The following KHDRBS3 variants were observed in gnomAD, a reference collection of about 807,000 sequenced individuals.
KHDRBS3 encodes the protein KH RNA binding domain containing, signal transduction associated 3, also known as KH domain-containing, RNA-binding, signal transduction-associated protein 3.
A neutral mutation model predicts 45.6 loss-of-function variants in KHDRBS3; 23 were observed. The ratio of observed to expected loss-of-function variants is 0.50; its 90% CI spans 0.36 to 0.72. KHDRBS3 has a LOEUF of 0.72. Ranked by LOEUF, KHDRBS3 falls within the 30% of genes least tolerant of loss-of-function variation. The pLI, the probability that KHDRBS3 is intolerant of heterozygous loss-of-function variation, is 0.00. For missense variants in KHDRBS3, 352 were observed against 424.8 expected, an observed-to-expected ratio of 0.83 and a Z score of 1.51; for synonymous variants, 162 against 156.5, an observed-to-expected ratio of 1.04 and a Z score of -0.26.
In KHDRBS3 at chr8:135,647,014, C is replaced by T. The variant is rs761676780; in HGVS notation, c.971C>T (p.Ser324Leu). 2 of 1,604,218 alleles carry T rather than the reference C, an allele frequency of 1.2e-6. No homozygotes were observed. Among genetic ancestry groups the T allele is most frequent in the Non-Finnish European group, 1.7e-6 (2 of 1,171,108 alleles). Residue 324 changes from serine to leucine, a missense_variant, in exon 9 of 9, where the codon TCA becomes TTA. Ser to Leu is a moderately radical substitution (Grantham distance 145). This residue lies in a region of KHDRBS3 where 212 missense variants were observed against 209.6 expected (regional missense o/e 1.01). Coordinates refer to ENST00000355849, the MANE Select transcript of KHDRBS3 (RefSeq NM_006558.3). ...GTAGGGCAAGAAGAGTGGACTAACT[C>T]AAGACACAAGGCACCTTCAGCGAGG... The part of the protein sequence containing the change: ...DSYGQEEWTN[S>L]RHKAPSARTA...
intron 2 of KHDRBS3, among the ~76,000 whole-genome samples, chr8:135,524,726 A>G (rs1230240614): frequency 2.0e-5 from 3 of 149,750 alleles, no homozygotes; most frequent in East Asian, 3.9e-4. Flanking sequence ...TTCAGATTTT[A>G]TAACTTTTAC....
chr8:135,581,218 C>T (rs1475025353), intron 5 of KHDRBS3, among the ~76,000 whole-genome samples: 3 of 152,158 alleles, frequency 2.0e-5, no homozygotes, highest in Non-Finnish European at 4.4e-5. Context: ...TATGTTTTCT[C>T]AGGTTTTTGC....
At chr8:135,533,008 A>G (rs1489280783) in intron 2 of KHDRBS3, among the ~76,000 whole-genome samples, 1 of 152,042 alleles carries the variant, frequency 6.6e-6, no homozygotes, top group African/African-American at 2.4e-5. Flanking sequence ...GAATGTTTAG[A>G]TACAGTGCAA....
intron 2 of KHDRBS3, chr8:135,541,753 A>G (rs563924078): frequency 6.6e-6 from 1 of 152,328 alleles, no homozygotes; most frequent in South Asian, 2.1e-4. Context: ...TACCTTAATT[A>G]TAGCAAGGCT....
At chr8:135,470,544 C>T (rs1490218401) in intron 1 of KHDRBS3, among the ~76,000 whole-genome samples, 4 of 151,476 alleles carry the variant, frequency 2.6e-5, no homozygotes, top group Admixed American at 2.0e-4. Flanking sequence ...TTTTTCTCAT[C>T]CCTTTTTCCC....
intron 7 of KHDRBS3, among the ~76,000 whole-genome samples, chr8:135,642,348 C>T (rs1831096613): frequency 6.6e-6 from 1 of 152,152 alleles, no homozygotes; most frequent in Admixed American, 6.5e-5. Flanking sequence ...TCAGCTGCCT[C>T]GTCTATAAAA....
At chr8:135,582,778 CAA>C (rs1828279172) in intron 6 of KHDRBS3, among the ~76,000 whole-genome samples, 1 of 152,130 alleles carries the variant, frequency 6.6e-6, no homozygotes, top group South Asian at 2.1e-4. Context: ...GAAGCAGTAA[CAA>C]TGATAAAATG....
chr8:135,469,324 G>A (rs1036951370), intron 1 of KHDRBS3, among the ~76,000 whole-genome samples: 6 of 152,076 alleles, frequency 3.9e-5, no homozygotes, highest in Non-Finnish European at 7.4e-5. Flanking sequence ...TCGCTCTGTC[G>A]CCCAGGCTGG....
intron 6 of KHDRBS3, among the ~76,000 whole-genome samples, chr8:135,587,503 T>G (rs1465421190): frequency 6.6e-6 from 1 of 152,196 alleles, no homozygotes; most frequent in Non-Finnish European, 1.5e-5. Context: ...AAGTATAAAT[T>G]TGGGACCTTC....
intron 1 of KHDRBS3, among the ~76,000 whole-genome samples, chr8:135,501,885 C>A (rs1021318874): frequency 6.6e-6 from 1 of 152,118 alleles, no homozygotes; most frequent in Non-Finnish European, 1.5e-5. Flanking sequence ...GGCCTTATAA[C>A]GTATGAATTC....
chr8:135,588,452 C>G (rs75689379), intron 6 of KHDRBS3, among the ~76,000 whole-genome samples: 1 of 152,048 alleles, frequency 6.6e-6, no homozygotes, highest in Non-Finnish European at 1.5e-5. Flanking sequence ...ACTACATAGA[C>G]GTACTTGATT....
At chr8:135,577,164 C>T (rs1327863033) in intron 5 of KHDRBS3, among the ~76,000 whole-genome samples, 3 of 151,934 alleles carry the variant, frequency 2.0e-5, no homozygotes, top group African/African-American at 4.8e-5. Flanking sequence ...TACTTTTCTC[C>T]AATCCCTTCA....
chr8:135,627,979 T>C (rs1830447273), intron 7 of KHDRBS3, among the ~76,000 whole-genome samples: 3 of 152,252 alleles, frequency 2.0e-5, no homozygotes, highest in African/African-American at 7.2e-5. Flanking sequence ...ATTCTAGCCA[T>C]GTGACTTAGA....
intron 1 of KHDRBS3, among the ~76,000 whole-genome samples, chr8:135,490,837 G>A (rs1823112599): frequency 6.6e-6 from 1 of 152,164 alleles, no homozygotes; most frequent in Non-Finnish European, 1.5e-5. Context: ...CTGATAAAGT[G>A]TTCCTGGCCA....
intron 6 of KHDRBS3, among the ~76,000 whole-genome samples, chr8:135,586,494 C>G (rs1474000237): frequency 1.3e-5 from 2 of 151,890 alleles, no homozygotes; most frequent in Admixed American, 1.3e-4. Flanking sequence ...CACTAATTCC[C>G]TGGTTTTAAG....
At chr8:135,626,786 A>T (rs1001080201) in intron 7 of KHDRBS3, among the ~76,000 whole-genome samples, 1 of 92,684 alleles carries the variant, frequency 1.1e-5, no homozygotes, top group Admixed American at 1.3e-4. Flanking sequence ...CCTGGGAGAC[A>T]CAGCGAGACT....
At chr8:135,592,963 C>T (rs890679649) in intron 6 of KHDRBS3, among the ~76,000 whole-genome samples, 2 of 151,804 alleles carry the variant, frequency 1.3e-5, no homozygotes, top group Non-Finnish European at 2.9e-5. Flanking sequence ...CTTTGGGAGG[C>T]CGGAGTTGGA....
intron 1 of KHDRBS3, among the ~76,000 whole-genome samples, chr8:135,498,475 T>G (rs1586613360): frequency 6.6e-6 from 1 of 151,960 alleles, no homozygotes; most frequent in East Asian, 1.9e-4. Context: ...TGCTGATAGA[T>G]TTCATAGCCC....
At chr8:135,458,486 G>C (rs905253615) in intron 1 of KHDRBS3, 1 of 254,162 alleles carries the variant, frequency 3.9e-6, no homozygotes. Flanking sequence ...GCACCTGAGA[G>C]GAGAGGAGCT....
Sources: gnomAD v4.1 joint callset for allele counts (sites outside exome capture counted in the v4.1 genomes callset) on GRCh38, gnomAD v4.1.1 for gene constraint, gnomAD v4.1.1 regional missense constraint, MANE v1.5 for transcripts, NCBI Gene and HGNC (gene_info 2026-07-23, HGNC 2026-07-21) for gene names.